The following DYNC2H1 variants were observed in gnomAD, a reference collection of about 807,000 sequenced individuals.
DYNC2H1 encodes dynein cytoplasmic 2 heavy chain 1.
Under a neutral mutation model 570.0 loss-of-function variants are expected in DYNC2H1, and 410 were observed. The observed-to-expected ratio is 0.72, with a 90% CI of 0.66 to 0.78. The LOEUF (loss-of-function observed/expected upper bound fraction) is 0.78. DYNC2H1 is among the 30% of genes least tolerant of loss of function. The pLI is 0.00. For missense variants in DYNC2H1, 4,865 were observed against 5,046.4 expected, an observed-to-expected ratio of 0.96 and a Z score of 1.09; for synonymous variants, 1,688 against 1,677.6, an observed-to-expected ratio of 1.01 and a Z score of -0.15.
Position 103,299,869 on chromosome 11 carries a change from T to C in DYNC2H1, c.11096-3224T>C, listed in dbSNP as rs774325137. Among the ~76,000 whole-genome samples, 1 of 152,090 alleles carries C rather than the reference T, an allele frequency of 6.6e-6. No individual in the cohort carries two copies. The highest frequency in any genetic ancestry group is 2.1e-4 in the South Asian group (1 of 4,826). ...AGAATTCTGCCTACCACAATATATTTGACATTTTTACTTGTTTCTAGGGTT... is the reference window on the plus strand; with the variant it reads ...AGAATTCTGCCTACCACAATATATTCGACATTTTTACTTGTTTCTAGGGTT... On this transcript the variant is annotated intron_variant, in intron 75 of 88. Coordinates refer to ENST00000375735, the MANE Select transcript of DYNC2H1 (RefSeq NM_001377.3). The surrounding 1 kb of genome is among the most constrained non-coding windows in gnomAD (Gnocchi z 4.5).
At chr11:103,202,294 A>ATTTTTTTTTTTTTTTTTTTT (rs10635156) in intron 50 of DYNC2H1, among the ~76,000 whole-genome samples, 1 of 132,702 alleles carries the variant, frequency 7.5e-6, no homozygotes. Context: ...AGAAACACAG[A>ATTTTTTTTTTTTTTTTTTTT]TTTTTTTTTT....
In DYNC2H1 at chr11:103,163,555, G is replaced by A. The variant is rs1056125837; in HGVS notation, c.4611+408G>A. 6.6e-6 allele frequency among the ~76,000 whole-genome samples: 1 copy of A among 152,130 alleles called. No homozygotes were observed. Among genetic ancestry groups the A allele is most frequent in the Admixed American group, 6.6e-5 (1 of 15,258 alleles). On this transcript the variant is annotated intron_variant, in intron 30 of 88. Coordinates refer to ENST00000375735, the MANE Select transcript of DYNC2H1 (RefSeq NM_001377.3). The surrounding 1 kb of genome is among the most constrained non-coding windows in gnomAD (Gnocchi z 4.6). ...TCTGAAATAGTCATAACACTAAACT[G>A]TAATATTGACAGTGAGAGTGAGGTC...
chr11:103,116,791 A>G lies in DYNC2H1; in HGVS notation c.766+77A>G, dbSNP rs755383207. On this transcript the variant is annotated intron_variant, in intron 5 of 88. Transcript: ENST00000375735. ...TTATCTTTTTATCCTTTAAGTCCTT[A>G]CTTAAAATGCTCCTTTATGTAATAC... The G allele has an allele frequency of 3.7e-6, 5 of 1,342,474 alleles. No individual in the cohort carries two copies. The African/African-American group carries it at 7.3e-5, about 20-fold the overall frequency. 83.2% of individuals were successfully genotyped at this position (1,342,474 alleles called of 1,614,324 possible).
chr11:103,422,541 G>A (rs189137455), intron 84 of DYNC2H1, among the ~76,000 whole-genome samples: 171 of 152,020 alleles, frequency 1.1e-3, no homozygotes, highest in African/African-American at 3.7e-3. Context: ...CAACATATGC[G>A]AATCAATAGA....
intron 70 of DYNC2H1, among the ~76,000 whole-genome samples, chr11:103,279,496 T>A (rs887488093): frequency 1.3e-5 from 2 of 152,152 alleles, no homozygotes; most frequent in Non-Finnish European, 2.9e-5. Context: ...TTATTTTGTC[T>A]TTTAGATTGC....
chr11:103,455,172 T>C lies in DYNC2H1; in HGVS notation c.12457-14T>C, dbSNP rs774476343. ...TGTGTGTGTATTTATATGTTCATAT[T>C]TCCCCCCCTCTAGAACTGGGTAGAT... On this transcript the variant is annotated splice_polypyrimidine_tract_variant and intron_variant, in intron 85 of 88. Coordinates refer to ENST00000375735, the MANE Select transcript of DYNC2H1 (RefSeq NM_001377.3). The C allele has an allele frequency of 3.1e-6, 5 of 1,595,902 alleles. No individual in the cohort carries two copies. Among genetic ancestry groups the C allele is most frequent in the South Asian group, 2.2e-5 (2 of 90,398 alleles).
Position 103,155,461 on chromosome 11 carries a change from G to C in DYNC2H1, c.3704G>C (p.Arg1235Thr), listed in dbSNP as rs764845875. 1.6e-5 allele frequency: 26 copies of C among 1,611,594 alleles called. No homozygotes were observed. The highest frequency in any genetic ancestry group is 1.5e-5 in the Non-Finnish European group (18 of 1,178,868). Reference protein sequence around the residue: ...LEKLLFGDLLRVADTIVAKAA... With the variant: ...LEKLLFGDLLTVADTIVAKAA... ...AAACTACTGTTTGGTGATTTGCTCA[G>C]AGTAGCTGATACAATTGTAGCCAAA... The change falls in exon 25 of 89, where the codon AGA becomes ACA. Residue 1235 changes from arginine to threonine, a missense_variant. This residue lies in a region of DYNC2H1 where 1,936 missense variants were observed against 1,962.1 expected (regional missense o/e 0.99). Coordinates refer to ENST00000375735, the MANE Select transcript of DYNC2H1 (RefSeq NM_001377.3).
intron 73 of DYNC2H1, among the ~76,000 whole-genome samples, chr11:103,283,320 C>T (rs1007970189): frequency 2.0e-5 from 3 of 152,102 alleles, no homozygotes; most frequent in Non-Finnish European, 4.4e-5. Context: ...TCTCTCCCTT[C>T]CCACCCCAGC....
Position 103,109,761 on chromosome 11 carries a change from T to G in DYNC2H1, c.187T>G (p.Ser63Ala). Residue 63 changes from serine (S) to alanine (A), a missense_variant, in exon 1 of 89, where the codon TCC becomes GCC. Coordinates refer to ENST00000375735, the MANE Select transcript of DYNC2H1 (RefSeq NM_001377.3). ...GCGATCCGACGCAGGAATCTCCTTT[T>G]CCAACACGGTACGGTTCCTTGCACT... ...VQRSDAGISFSNTIEFGDTKD... is the reference protein window; with the variant it reads ...VQRSDAGISFANTIEFGDTKD... The G allele has an allele frequency of 6.2e-7, 1 of 1,613,208 alleles. No individual in the cohort carries two copies. The highest frequency in any genetic ancestry group is 8.5e-7 in the Non-Finnish European group (1 of 1,179,516).
At chr11:103,113,415 A>G in intron 1 of DYNC2H1, 122 bp from the exon 2 acceptor site, 1 of 722,548 alleles carries the variant, frequency 1.4e-6, no homozygotes. Flanking sequence ...GTTTTAATAT[A>G]TTTATTTTTA....
chr11:103,244,173 A>G lies in DYNC2H1; in HGVS notation c.9918+382A>G, dbSNP rs1344113650. 6.6e-6 allele frequency among the ~76,000 whole-genome samples: 1 copy of G among 152,096 alleles called. No homozygotes were observed. The highest frequency in any genetic ancestry group is 6.6e-5 in the Admixed American group (1 of 15,254). ...CGGAAAAGCCTTCTAGCCTTTTAGC[A>G]TATTTACAGTTTCTCTGAATGCCTC... On this transcript the variant is annotated intron_variant, in intron 64 of 88. Transcript: ENST00000375735. The surrounding 1 kb of genome is among the most constrained non-coding windows in gnomAD (Gnocchi z 4.3).
intron 82 of DYNC2H1, among the ~76,000 whole-genome samples, chr11:103,335,663 C>G (rs1406102769): frequency 6.6e-6 from 1 of 152,026 alleles, no homozygotes; most frequent in Non-Finnish European, 1.5e-5. Context: ...GATAGCTTCA[C>G]TTAAATCTCT....
chr11:103,307,700 G>A (rs2135406001), intron 77 of DYNC2H1, 21 bp from the exon 78 acceptor site: 2 of 1,374,214 alleles, frequency 1.5e-6, no homozygotes, highest in South Asian at 2.9e-5. Flanking sequence ...GTAAATTTTT[G>A]TCATTGGTTT....
At chr11:103,121,634 A>G in intron 10 of DYNC2H1, 138 bp downstream of exon 10, 1 of 952,642 alleles carries the variant, frequency 1.0e-6, no homozygotes. Context: ...TACAAAATGC[A>G]GAACACTGAA....
chr11:103,230,714 C>T (rs1039268005), intron 59 of DYNC2H1, among the ~76,000 whole-genome samples: 13 of 151,628 alleles, frequency 8.6e-5, no homozygotes, highest in East Asian at 1.9e-4. Flanking sequence ...TTTTGCGTTC[C>T]GGTATGTTAG....
rs769955286 is a variant in DYNC2H1, at chr11:103,147,799, T to C, written c.2730T>C (p.Ile910=). 5 of 1,608,966 alleles carry C rather than the reference T, an allele frequency of 3.1e-6. No individual in the cohort carries two copies. In the African/African-American group the frequency reaches 4.0e-5, roughly 13 times the overall value. Residue 910 remains isoleucine, a synonymous_variant, in exon 19 of 89, where the codon ATT becomes ATC. Coordinates refer to ENST00000375735, the MANE Select transcript of DYNC2H1 (RefSeq NM_001377.3). The part of the protein sequence containing the change: ...PSAVKVDCLN[I]NCNPVKTVID... ...CTGTCAAGGTAGATTGTTTAAATAT[T>C]AATTGCAACCCTGTGAAGACTGTGA...
In DYNC2H1 at chr11:103,195,590, A is replaced by G. The variant is rs1390601343; in HGVS notation, c.7709-2343A>G. ...TTTAGACTGATTCTTCCTACTTTAG[A>G]CTTCTTTCTCAAAATTGTTTTAGCT... On this transcript the variant is annotated intron_variant, in intron 47 of 88. Transcript: ENST00000375735. Among the ~76,000 whole-genome samples, 4 of 152,120 alleles carry G rather than the reference A, an allele frequency of 2.6e-5. No homozygotes were observed. In the East Asian group the frequency reaches 7.7e-4, roughly 29 times the overall value.
chr11:103,237,441 A>T (rs923470491), intron 63 of DYNC2H1, among the ~76,000 whole-genome samples: 9 of 152,134 alleles, frequency 5.9e-5, no homozygotes, highest in African/African-American at 2.2e-4. Context: ...TAATCAGCTG[A>T]CTATGCTTCA....
At chr11:103,276,089 T>A (rs1865895277) in intron 70 of DYNC2H1, among the ~76,000 whole-genome samples, 2 of 152,182 alleles carry the variant, frequency 1.3e-5, no homozygotes, top group South Asian at 4.1e-4. Context: ...CTTATTTTAA[T>A]TTGCCTTTTT....
Sources: allele counts gnomAD v4.1 joint callset (sites outside exome capture counted in the v4.1 genomes callset), GRCh38; gene constraint gnomAD v4.1.1; regional missense constraint gnomAD v4.1.1; non-coding constraint Gnocchi (gnomAD v3.1); transcripts MANE v1.5; gene names NCBI Gene and HGNC (gene_info 2026-07-23, HGNC 2026-07-21).